The following CDH26 variants were observed in gnomAD, a reference collection of about 807,000 sequenced individuals.
The protein encoded by CDH26 is cadherin-like protein 26.
Under a neutral mutation model 90.3 loss-of-function variants are expected in CDH26, and 83 were observed. The observed-to-expected ratio is 0.92, with a 90% CI of 0.77 to 1.10. The LOEUF (loss-of-function observed/expected upper bound fraction) is 1.10. Ranked by LOEUF, CDH26 falls within the 50% of genes least tolerant of loss-of-function variation. The pLI, the probability that CDH26 is intolerant of heterozygous loss-of-function variation, is 0.00. For missense variants in CDH26, 1,013 were observed against 1,037.6 expected (o/e 0.98, Z 0.33); for synonymous variants, 397 against 396.3 (o/e 1.00, Z -0.02).
At position 59,994,293 on chromosome 20, in the gene CDH26, G is replaced by A. The variant is rs1343039924; in HGVS notation, c.1470G>A (p.Leu490=). 1 of 1,613,742 alleles carries A rather than the reference G, an allele frequency of 6.2e-7. No individual in the cohort carries two copies. The highest frequency in any genetic ancestry group is 1.7e-5 in the Admixed American group (1 of 59,982). ...CTACAGGGACCCTAATGCTCTTCCTGTCTGACATCAATGACAACGTCCCGA... is the reference window on the plus strand; with the variant it reads ...CTACAGGGACCCTAATGCTCTTCCTATCTGACATCAATGACAACGTCCCGA... ...QTATGTLMLF[L]SDINDNVPTL... Residue 490 remains leucine (L), a synonymous_variant, in exon 11 of 18, where the codon CTG becomes CTA. Coordinates refer to ENST00000348616, the MANE Select transcript of CDH26 (RefSeq NM_177980.4).
chr20:60,005,541 C>T (rs1233876904), intron 16 of CDH26, among the ~76,000 whole-genome samples: 1 of 152,212 alleles, frequency 6.6e-6, no homozygotes, highest in South Asian at 2.1e-4. Flanking sequence ...CATGGACATA[C>T]ATAATTGCCC....
chr20:60,029,449 C>CATAGCACCTATAGTCAACAAT (rs2062024197), intron 7 of CDH26, among the ~76,000 whole-genome samples: 1 of 152,126 alleles, frequency 6.6e-6, no homozygotes, highest in African/African-American at 2.4e-5. Context: ...TAGTCAACAA[C>CATAGCACCTATAGTCAACAAT]GTAGCATCTA....
At chr20:60,019,642 T>G (rs182748876) in intron 7 of CDH26, among the ~76,000 whole-genome samples, 1 of 152,364 alleles carries the variant, frequency 6.6e-6, no homozygotes, top group East Asian at 1.9e-4. Flanking sequence ...TTCTCTTATA[T>G]CTCACTGAAT....
chr20:59,998,739 A>G lies in CDH26; in HGVS notation c.2020-847A>G, dbSNP rs369712909. ...TAATCTAACTGAATCTGACTTTCAT[A>G]TATAAAGTGAGCTTGATAGTCTTCT... On this transcript the variant is annotated intron_variant, in intron 13 of 17. Coordinates refer to ENST00000348616, the MANE Select transcript of CDH26 (RefSeq NM_177980.4). 2.2e-3 allele frequency among the ~76,000 whole-genome samples: 338 copies of G among 152,344 alleles called. 1 individual carries two copies. The highest frequency in any genetic ancestry group is 7.7e-3 in the African/African-American group (321 of 41,590).
intron 5 of CDH26, 41 bp downstream of exon 5, chr20:59,983,111 T>A: frequency 6.3e-7 from 1 of 1,594,710 alleles, no homozygotes; most frequent in Admixed American, 1.8e-5. Flanking sequence ...CTTCTGTCTC[T>A]GCTCTGTTCC....
chr20:59,960,511 C>T (rs2061056158), intron 1 of CDH26, among the ~76,000 whole-genome samples: 1 of 152,112 alleles, frequency 6.6e-6, no homozygotes, highest in Non-Finnish European at 1.5e-5. Context: ...ATCACAAAAG[C>T]TCTGCAAAAA....
intron 7 of CDH26, among the ~76,000 whole-genome samples, chr20:60,022,432 G>C (rs2061965448): frequency 6.6e-6 from 1 of 152,132 alleles, no homozygotes; most frequent in Non-Finnish European, 1.5e-5. Context: ...AATCTGATTG[G>C]TTTTGTGGAG....
At chr20:60,022,879 G>C (rs1244680049) in intron 7 of CDH26, among the ~76,000 whole-genome samples, 1 of 152,242 alleles carries the variant, frequency 6.6e-6, no homozygotes, top group Non-Finnish European at 1.5e-5. Context: ...TGCAGAGACT[G>C]CTGATTGCCC....
intron 1 of CDH26, among the ~76,000 whole-genome samples, chr20:59,967,890 TTC>T (rs2061183481): frequency 1.6e-5 from 2 of 126,954 alleles, no homozygotes; most frequent in African/African-American, 7.4e-5. Context: ...CCTTCCTTCC[TTC>T]CTTCCTTCCT....
chr20:59,990,101 G>A (rs1399822092), intron 9 of CDH26, among the ~76,000 whole-genome samples: 2 of 152,148 alleles, frequency 1.3e-5, no homozygotes, highest in Non-Finnish European at 2.9e-5. Context: ...CATCAAAGCA[G>A]AATCATACAA....
chr20:60,011,420 G>A (rs1174654574), intron 17 of CDH26, among the ~76,000 whole-genome samples: 3 of 152,196 alleles, frequency 2.0e-5, no homozygotes, highest in South Asian at 4.1e-4. Flanking sequence ...GATTTGGCGT[G>A]CTTGTTATTG....
At chr20:60,000,546 A>G (rs2061662504) in intron 14 of CDH26, among the ~76,000 whole-genome samples, 2 of 152,188 alleles carry the variant, frequency 1.3e-5, no homozygotes, top group African/African-American at 4.8e-5. Context: ...GCCAGTCTGC[A>G]AACTTCTAGA....
rs868642834 is a variant in CDH26 at position 59,985,217 on chromosome 20, G to C, written c.837+88G>C. Reference sequence around the variant, plus strand: ...TCAGTTTTTCTCAGAGAGGGTGTTAGGCTGTTATCATATTGCTGTGAAGAA... The same window carrying C: ...TCAGTTTTTCTCAGAGAGGGTGTTACGCTGTTATCATATTGCTGTGAAGAA... On this transcript the variant is annotated intron_variant, in intron 7 of 17. Coordinates refer to ENST00000348616, the MANE Select transcript of CDH26 (RefSeq NM_177980.4). The C allele has an allele frequency of 1.9e-5, 28 of 1,497,760 alleles. No homozygotes were observed. In the African/African-American group the frequency reaches 3.6e-4, roughly 19 times the overall value. 92.8% of individuals were successfully genotyped at this position (1,497,760 alleles called of 1,614,324 possible). A position where few individuals can be genotyped will look rare whatever the true frequency, so the allele number is the denominator to read the frequency against.
intron 13 of CDH26, 62 bp downstream of exon 13, chr20:59,996,823 CA>C: frequency 6.3e-7 from 1 of 1,589,898 alleles, no homozygotes; most frequent in Non-Finnish European, 8.6e-7. Flanking sequence ...AGACATATAG[CA>C]TGTATTTTTC....
chr20:59,962,117 A>G (rs1453735112), intron 1 of CDH26, among the ~76,000 whole-genome samples: 1 of 152,184 alleles, frequency 6.6e-6, no homozygotes, highest in East Asian at 1.9e-4. Flanking sequence ...GAGGGTCAGC[A>G]GGGGACAGAG....
chr20:59,980,521 C>T (rs1327429290), intron 4 of CDH26, among the ~76,000 whole-genome samples: 2 of 152,134 alleles, frequency 1.3e-5, no homozygotes, highest in South Asian at 2.1e-4. Context: ...TGGTCTTAAA[C>T]TCCTGACCTC....
chr20:60,018,877 C>T (rs772272823), downstream of CDH26, among the ~76,000 whole-genome samples: 7 of 151,630 alleles, frequency 4.6e-5, no homozygotes, highest in Non-Finnish European at 8.8e-5. Context: ...TAAAACTCCC[C>T]TGAGCATTTC....
intron 11 of CDH26, among the ~76,000 whole-genome samples, chr20:59,994,954 C>T (rs1292788789): frequency 6.6e-6 from 1 of 152,110 alleles, no homozygotes; most frequent in African/African-American, 2.4e-5. Context: ...GTGTGGGCTT[C>T]CCTAAGGAAA....
At chr20:59,973,953 C>T (rs1208750131) in intron 4 of CDH26, among the ~76,000 whole-genome samples, 3 of 152,142 alleles carry the variant, frequency 2.0e-5, no homozygotes, top group Admixed American at 6.5e-5. Flanking sequence ...GTTTTTAGCT[C>T]TTTGAGGAAT....
Sources: gnomAD v4.1 joint callset for allele counts (sites outside exome capture counted in the v4.1 genomes callset) on GRCh38, gnomAD v4.1.1 for gene constraint, MANE v1.5 for transcripts, NCBI Gene and HGNC (gene_info 2026-07-23, HGNC 2026-07-21) for gene names.